Variants in SGCZ observed in about 807,000 individuals in gnomAD.
SGCZ encodes the protein zeta-sarcoglycan.
In SGCZ, 40 loss-of-function variants were observed where a neutral mutation model predicts 41.3. The observed-to-expected ratio is 0.97, with a 90% CI of 0.75 to 1.26. SGCZ has a LOEUF of 1.26. SGCZ is among the 50% of genes most tolerant of loss of function. The probability of loss-of-function intolerance (pLI) is 0.00; values close to 1 mark genes in which losing one functional copy is unlikely to be tolerated. For missense variants in SGCZ, 552 were observed against 369.8 expected (o/e 1.49, Z -4.04); for synonymous variants, 206 against 137.5 (o/e 1.50, Z -3.49).
intron 1 of SGCZ, among the ~76,000 whole-genome samples, chr8:15,012,589 T>A (rs13252251): frequency 7.6e-6 from 1 of 132,106 alleles, no homozygotes; most frequent in Admixed American, 8.6e-5. Context: ...ATATAACATA[T>A]AAATATATAT....
rs1563356551 is a variant in SGCZ at position 14,479,740 on chromosome 8, T to TTTTTTTC, written c.234+74991_234+74992insGAAAAAA. 1.5e-4 allele frequency among the ~76,000 whole-genome samples: 10 copies of TTTTTTTC among 66,334 alleles called. 1 individual carries two copies. Among genetic ancestry groups the TTTTTTTC allele is most frequent in the South Asian group, 5.4e-4 (1 of 1,848 alleles). The allele number at this position is 66,334 out of a possible 152,430, so 43.5% of individuals were successfully genotyped here. ...CTCCAGAATTCTACTTCTTTTTTTT[T>TTTTTTTC]TTTTTTTTTTTTTTTTTTTTTATTT... On this transcript the variant is annotated intron_variant, in intron 2 of 7. Transcript: ENST00000382080.
intron 1 of SGCZ, among the ~76,000 whole-genome samples, chr8:15,052,451 T>C (rs59914827): frequency 4.6e-4 from 70 of 152,276 alleles, no homozygotes; most frequent in African/African-American, 1.5e-3. Flanking sequence ...TGCTTCCGGA[T>C]GTCCTGGCTA....
intron 5 of SGCZ, among the ~76,000 whole-genome samples, chr8:14,117,036 G>A (rs1364128748): frequency 6.6e-6 from 1 of 151,980 alleles, no homozygotes; most frequent in African/African-American, 2.4e-5. Context: ...GGCTATTATG[G>A]TAACCTGTGT....
intron 1 of SGCZ, among the ~76,000 whole-genome samples, chr8:14,876,234 A>T (rs1176829679): frequency 6.6e-6 from 1 of 152,174 alleles, no homozygotes; most frequent in Non-Finnish European, 1.5e-5. Context: ...TAGAAAGTAA[A>T]CAACACATTT....
chr8:14,786,150 G>C (rs1800760192), intron 1 of SGCZ, among the ~76,000 whole-genome samples: 1 of 149,292 alleles, frequency 6.7e-6, no homozygotes, highest in African/African-American at 2.6e-5. Flanking sequence ...ATCTAAGCCT[G>C]TCACTACAGA....
intron 2 of SGCZ, among the ~76,000 whole-genome samples, chr8:14,507,717 T>G (rs1802345065): frequency 6.6e-6 from 1 of 152,118 alleles, no homozygotes; most frequent in African/African-American, 2.4e-5. Flanking sequence ...CCTCACTTCT[T>G]TTAGGTTTTA....
At chr8:15,135,134 T>G (rs1178040690) in intron 1 of SGCZ, among the ~76,000 whole-genome samples, 1 of 152,190 alleles carries the variant, frequency 6.6e-6, no homozygotes, top group Non-Finnish European at 1.5e-5. Flanking sequence ...TTCTTGAGTT[T>G]TGACCCTTTC....
intron 1 of SGCZ, among the ~76,000 whole-genome samples, chr8:14,560,571 T>A (rs1485551955): frequency 6.6e-6 from 1 of 152,064 alleles, no homozygotes; most frequent in Non-Finnish European, 1.5e-5. Flanking sequence ...CTATGACTCT[T>A]CAGATCATCG....
chr8:14,954,323 C>A (rs1800730369), intron 1 of SGCZ, among the ~76,000 whole-genome samples: 1 of 152,136 alleles, frequency 6.6e-6, no homozygotes, highest in East Asian at 1.9e-4. Flanking sequence ...TGGAATTACA[C>A]ACAGCTACAG....
chr8:15,016,874 G>C (rs550797938), intron 1 of SGCZ, among the ~76,000 whole-genome samples: 1 of 151,942 alleles, frequency 6.6e-6, no homozygotes, highest in Non-Finnish European at 1.5e-5. Flanking sequence ...TTTGGCAAGA[G>C]AGAGAGAGAG....
intron 2 of SGCZ, among the ~76,000 whole-genome samples, chr8:14,526,233 G>A (rs939760079): frequency 5.9e-5 from 9 of 152,030 alleles, no homozygotes; most frequent in African/African-American, 1.9e-4. Flanking sequence ...GCAATGTTAT[G>A]AGAAATCATA....
intron 1 of SGCZ, among the ~76,000 whole-genome samples, chr8:14,724,636 C>A (rs1249848034): frequency 6.6e-6 from 1 of 150,834 alleles, no homozygotes; most frequent in African/African-American, 2.4e-5. Context: ...AAAATAAGAC[C>A]AAGCGTTTCT....
intron 2 of SGCZ, among the ~76,000 whole-genome samples, chr8:14,435,162 C>T (rs1165494853): frequency 6.6e-6 from 1 of 152,126 alleles, no homozygotes; most frequent in African/African-American, 2.4e-5. Context: ...GCTGCAGCTG[C>T]AATCACCACC....
chr8:14,938,033 C>A lies in SGCZ; in HGVS notation c.39+299552G>T, dbSNP rs532600057. 1.6e-4 allele frequency among the ~76,000 whole-genome samples: 25 copies of A among 152,228 alleles called. No homozygotes were observed. The South Asian group carries it at 4.8e-3, about 29-fold the overall frequency. ...ACTTTATGAACATTCAAAATTCACT[C>A]TGTAATTCTTGCACTTTTAGAAAAT... On this transcript the variant is annotated intron_variant, in intron 1 of 7. Coordinates refer to ENST00000382080, the MANE Select transcript of SGCZ (RefSeq NM_139167.4).
At chr8:14,739,302 G>C (rs926990842) in intron 1 of SGCZ, among the ~76,000 whole-genome samples, 3 of 151,918 alleles carry the variant, frequency 2.0e-5, no homozygotes, top group African/African-American at 7.3e-5. Context: ...CAAGTTTCTA[G>C]TATGCCATCC....
chr8:15,008,542 AGGGAGGGAGTG>A lies in SGCZ; in HGVS notation c.39+229032_39+229042del, dbSNP rs1563432355. 1.6e-3 allele frequency among the ~76,000 whole-genome samples: 75 copies of A among 47,954 alleles called. 2 individuals carry two copies. The highest frequency in any genetic ancestry group is 5.7e-3 in the African/African-American group (62 of 10,944). 31.5% of individuals were successfully genotyped at this position (47,954 alleles called of 152,430 possible). A position where few individuals can be genotyped will look rare whatever the true frequency, so the allele number is the denominator to read the frequency against. On this transcript the variant is annotated intron_variant, in intron 1 of 7. Transcript: ENST00000382080. Reference sequence around the variant, plus strand: ...ATAAAGGGAGGGAAGGAAGGAAGGAAGGGAGGGAGTGAGGGAGGGAGGGAGGGAGGGGGAGG... The same window carrying A: ...ATAAAGGGAGGGAAGGAAGGAAGGAAAGGGAGGGAGGGAGGGAGGGGGAGG...
chr8:14,766,658 C>T (rs11779138), intron 1 of SGCZ, among the ~76,000 whole-genome samples: 53,183 of 151,258 alleles, frequency 0.35, 11,192 homozygotes, highest in East Asian at 0.5. Flanking sequence ...ACCTCCCAGG[C>T]TCAAGCGATT....
chr8:14,698,732 G>A (rs1036712606), intron 1 of SGCZ, among the ~76,000 whole-genome samples: 7 of 151,884 alleles, frequency 4.6e-5, no homozygotes, highest in African/African-American at 1.4e-4. Flanking sequence ...AGTATGTTGT[G>A]CACAAAGACT....
intron 5 of SGCZ, among the ~76,000 whole-genome samples, chr8:14,163,729 C>A (rs528431300): frequency 6.6e-6 from 1 of 152,256 alleles, no homozygotes; most frequent in African/African-American, 2.4e-5. Flanking sequence ...AGTTGATGTT[C>A]TTCAATTGCC....
Sources: gnomAD v4.1 joint callset for allele counts (sites outside exome capture counted in the v4.1 genomes callset) on GRCh38, gnomAD v4.1.1 for gene constraint, MANE v1.5 for transcripts, NCBI Gene and HGNC (gene_info 2026-07-23, HGNC 2026-07-21) for gene names.